The following RNF207 variants were observed in gnomAD, a reference collection of about 807,000 sequenced individuals.
RNF207 encodes OTTHUMG00000001089.
A neutral mutation model predicts 79.0 loss-of-function variants in RNF207; 72 were observed. The observed-to-expected ratio is 0.91, with a 90% CI of 0.75 to 1.11. The LOEUF (loss-of-function observed/expected upper bound fraction) is 1.11, where lower values mean the gene tolerates loss of function less well. RNF207 is among the 50% of genes least tolerant of loss of function. The probability of loss-of-function intolerance (pLI) is 0.00; values close to 1 mark genes in which losing one functional copy is unlikely to be tolerated. For missense variants in RNF207, 936 were observed against 855.8 expected, an observed-to-expected ratio of 1.09 and a Z score of -1.17; for synonymous variants, 348 against 366.2, an observed-to-expected ratio of 0.95 and a Z score of 0.57.
In RNF207 at chr1:6,212,977, G is replaced by A. The variant is rs1319486522; in HGVS notation, c.1535-89G>A. 6.3e-5 allele frequency: 57 copies of A among 905,728 alleles called. 1 individual carries two copies. The South Asian group carries it at 7.2e-4, about 11-fold the overall frequency. The allele number at this position is 905,728 out of a possible 1,614,324, so 56.1% of individuals were successfully genotyped here. The stretch of plus-strand genomic sequence containing the variant: ...ATTAGAGGTCATCATGGAAATGGTC[G>A]GGATATTTACGTGGTGCCTGGCTTG... On this transcript the variant is annotated intron_variant, in intron 15 of 17. Transcript: ENST00000377939.
intron 2 of RNF207, 135 bp downstream of exon 2, chr1:6,206,861 C>T (rs2100919373): frequency 1.4e-6 from 1 of 689,732 alleles, no homozygotes; most frequent in South Asian, 1.9e-5. Context: ...AGATACTGCA[C>T]CCGGTCCTTA....
Position 6,218,404 on chromosome 1 carries a change from C to T in RNF207, c.1733+35C>T, listed in dbSNP as rs369821943. ...GTCTCTCCACTGGAGAGTGTGCACGCGATGTGGCTTCTGAGGCCAACAGGA... is the reference window on the plus strand; with the variant it reads ...GTCTCTCCACTGGAGAGTGTGCACGTGATGTGGCTTCTGAGGCCAACAGGA... On this transcript the variant is annotated intron_variant, in intron 17 of 17. Transcript: ENST00000377939. The T allele has an allele frequency of 3.6e-5, 54 of 1,491,164 alleles. 1 individual carries two copies. The African/African-American group carries it at 5.2e-4, about 14-fold the overall frequency. 92.4% of individuals were successfully genotyped at this position (1,491,164 alleles called of 1,614,324 possible).
At chr1:6,214,459 G>A (rs1258976393) in intron 16 of RNF207, among the ~76,000 whole-genome samples, 1 of 151,300 alleles carries the variant, frequency 6.6e-6, no homozygotes, top group Non-Finnish European at 1.5e-5. Flanking sequence ...CTGGAGTGCA[G>A]TGGCGCGATC....
intron 16 of RNF207, among the ~76,000 whole-genome samples, chr1:6,216,108 T>A (rs1333015193): frequency 6.6e-6 from 1 of 152,154 alleles, no homozygotes; most frequent in East Asian, 1.9e-4. Context: ...TTCAGTACAT[T>A]TCTTGTCTGT....
chr1:6,209,050 G>C lies in RNF207; in HGVS notation c.469+25G>C, dbSNP rs781350475. 3 of 1,208,452 alleles carry C rather than the reference G, an allele frequency of 2.5e-6. No homozygotes were observed. The Admixed American group carries it at 6.5e-5, about 26-fold the overall frequency. 74.9% of individuals were successfully genotyped at this position (1,208,452 alleles called of 1,614,324 possible). On this transcript the variant is annotated intron_variant, in intron 4 of 17. Transcript: ENST00000377939. The stretch of plus-strand genomic sequence containing the variant: ...AGTGAGTGAGGCTTGCGGGGCCGGG[G>C]ACTTGGGGGTGGGGGCGGGGCGGGC...
chr1:6,210,755 G>C, intron 10 of RNF207, 115 bp from the exon 11 acceptor site: 4 of 937,172 alleles, frequency 4.3e-6, no homozygotes, highest in East Asian at 5.2e-5. Context: ...GGCTGGCGCT[G>C]CTAAGGGACA....
At position 6,209,152 on chromosome 1, in the gene RNF207, C is replaced by A. The variant is rs1033258417; in HGVS notation, c.507C>A (p.Asp169Glu). Residue 169 changes from aspartate (D) to glutamate (E), a missense_variant, in exon 5 of 18, where the codon GAC becomes GAA. Physicochemically the swap from Asp to Glu is conservative, Grantham distance 45. Coordinates refer to ENST00000377939, the MANE Select transcript of RNF207 (RefSeq NM_207396.3). ...AGCCCTACCTCTTGTTCTCCACCGA[C>A]AAGAAGTTGCTGTTGTGCATCCGCT... is the stretch of plus-strand genomic sequence containing the variant. ...HAEPYLLFST[D>E]KKLLLCIRCF... 9.0e-6 allele frequency: 14 copies of A among 1,558,024 alleles called. No individual in the cohort carries two copies. The highest frequency in any genetic ancestry group is 1.1e-5 in the Non-Finnish European group (13 of 1,150,420).
intron 3 of RNF207, chr1:6,208,433 C>G (rs980857679): frequency 6.2e-6 from 1 of 161,686 alleles, no homozygotes; most frequent in African/African-American, 2.4e-5. Flanking sequence ...ATTCTTCTGC[C>G]TCGGCCTCCC....
chr1:6,210,885 C>T lies in RNF207; in HGVS notation c.958C>T (p.Leu320=), dbSNP rs374738163. Residue 320 remains leucine, a synonymous_variant, in exon 11 of 18, where the codon CTG becomes TTG. Coordinates refer to ENST00000377939, the MANE Select transcript of RNF207 (RefSeq NM_207396.3). ...ACTGCCACAGGAGCTGATGGAGAGGCTGCAGGGCATCGTCACGCGGCCGCA... is the reference window on the plus strand; with the variant it reads ...ACTGCCACAGGAGCTGATGGAGAGGTTGCAGGGCATCGTCACGCGGCCGCA... ...LDLGYELMER[L]QGIVTRPHHL... 7.8e-5 allele frequency: 125 copies of T among 1,602,578 alleles called. No individual in the cohort carries two copies. Among genetic ancestry groups the T allele is most frequent in the Middle Eastern group, 1.7e-4 (1 of 5,972 alleles).
At chr1:6,218,785 G>A (rs905711447) in intron 17 of RNF207, among the ~76,000 whole-genome samples, 3 of 152,168 alleles carry the variant, frequency 2.0e-5, no homozygotes, top group South Asian at 2.1e-4. Flanking sequence ...ACAGTCACAG[G>A]CTGATCTTTG....
chr1:6,217,811 TG>T lies in RNF207; in HGVS notation c.1653-474del, dbSNP rs1260808503. On this transcript the variant is annotated intron_variant, in intron 16 of 17. Transcript: ENST00000377939. The surrounding 1 kb of genome is among the most constrained non-coding windows in gnomAD (Gnocchi z 4.2). ...TCACCGCGGGGCTGGACAGCTCTCT[TG>T]GGGACCTTCCCTGTGCACCTGTGAC... Among the ~76,000 whole-genome samples, 2 of 152,332 alleles carry T rather than the reference TG, an allele frequency of 1.3e-5. No individual in the cohort carries two copies. Among genetic ancestry groups the T allele is most frequent in the East Asian group, 3.9e-4 (2 of 5,186 alleles).
Position 6,209,534 on chromosome 1 carries a change from A to T in RNF207, c.748A>T (p.Met250Leu). The T allele has an allele frequency of 6.8e-7, 1 of 1,462,752 alleles. No homozygotes were observed. Among genetic ancestry groups the T allele is most frequent in the Non-Finnish European group, 9.0e-7 (1 of 1,115,440 alleles). 90.6% of individuals were successfully genotyped at this position (1,462,752 alleles called of 1,614,324 possible). ...CGCTATCCACGCCCTCTTCGGCAGC[A>T]TGCAGGTGAGGGGTGGGGGTTGGGG... is the stretch of plus-strand genomic sequence containing the variant. ...EDAIHALFGS[M>L]QDRLAERKAL... is the part of the protein sequence containing the mutation. The change falls in exon 7 of 18, where the codon ATG becomes TTG. Residue 250 changes from methionine (M) to leucine (L), a missense_variant. Coordinates refer to ENST00000377939, the MANE Select transcript of RNF207 (RefSeq NM_207396.3).
At position 6,212,239 on chromosome 1, in the gene RNF207, G is replaced by A; in HGVS notation, c.1305G>A (p.Gln435=). ...RHYEDSYRHL[Q]AEMQSLKDQV... Reference sequence around the variant, plus strand: ...ACAGCCTCTCTGTGCAGCACCTGCAGGCAGAGATGCAGAGCCTAAAGGACC... The same window carrying A: ...ACAGCCTCTCTGTGCAGCACCTGCAAGCAGAGATGCAGAGCCTAAAGGACC... Residue 435 remains glutamine (Q), a synonymous_variant, in exon 14 of 18, where the codon CAG becomes CAA. Transcript: ENST00000377939. The A allele has an allele frequency of 6.2e-7, 1 of 1,612,350 alleles. No individual in the cohort carries two copies. Among genetic ancestry groups the A allele is most frequent in the Non-Finnish European group, 8.5e-7 (1 of 1,179,196 alleles).
chr1:6,210,046 C>T (rs1335403246), intron 8 of RNF207, 76 bp downstream of exon 8: 2 of 1,448,396 alleles, frequency 1.4e-6, no homozygotes, highest in Non-Finnish European at 1.9e-6. Flanking sequence ...TGGGCAGGCC[C>T]TGCCCCACCC....
intron 7 of RNF207, 38 bp from the exon 8 acceptor site, chr1:6,209,886 G>A (rs1668085480): frequency 7.1e-6 from 11 of 1,559,062 alleles, no homozygotes; most frequent in Non-Finnish European, 9.5e-6. Flanking sequence ...TGGCAGGGCT[G>A]GGGCGCAAAT....
chr1:6,209,494 CG>C lies in RNF207; in HGVS notation c.709del (p.Ala237ProfsTer80). On this transcript the variant is annotated frameshift_variant, in exon 7 of 18. Transcript: ENST00000377939. LOFTEE classifies it high-confidence loss of function. ...AMVEEVRHSA[A>X]EEEDAIHALF... Reference sequence around the variant, plus strand: ...TGGTGGAGGAGGTGCGGCACAGCGCCGCCGAGGAGGAGGACGCTATCCACGC... The same window carrying C: ...TGGTGGAGGAGGTGCGGCACAGCGCCCCGAGGAGGAGGACGCTATCCACGC... The C allele has an allele frequency of 6.8e-7, 1 of 1,476,672 alleles. No homozygotes were observed. The highest frequency in any genetic ancestry group is 1.4e-5 in the South Asian group (1 of 71,928). The allele number at this position is 1,476,672 out of a possible 1,614,324, so 91.5% of individuals were successfully genotyped here.
Position 6,207,928 on chromosome 1 carries a change from A to G in RNF207, c.324+417A>G, listed in dbSNP as rs1327695682. The G allele has an allele frequency of 2.8e-6, 1 of 354,440 alleles. No individual in the cohort carries two copies. The highest frequency in any genetic ancestry group is 2.1e-5 in the African/African-American group (1 of 47,136). The allele number at this position is 354,440 out of a possible 1,614,324, so 22.0% of individuals were successfully genotyped here. A position where few individuals can be genotyped will look rare whatever the true frequency, so the allele number is the denominator to read the frequency against. ...CTGTTCCCTCTGGGCTGTAAAAGGC[A>G]CAGGGGACTCTGGCCTGCGGAGGCC... On this transcript the variant is annotated intron_variant, in intron 3 of 17. Coordinates refer to ENST00000377939, the MANE Select transcript of RNF207 (RefSeq NM_207396.3). This position sits in a 1 kb window ranked among gnomAD's most constrained non-coding sequence, Gnocchi z 4.5.
At chr1:6,210,143 G>A in intron 8 of RNF207, 80 bp from the exon 9 acceptor site, 2 of 1,391,294 alleles carry the variant, frequency 1.4e-6, no homozygotes. Context: ...ACGGACATGC[G>A]AAGCTGGAGG....
Position 6,207,591 on chromosome 1 carries a change from A to T in RNF207, c.324+80A>T, listed in dbSNP as rs1192503519. 1 of 1,469,260 alleles carries T rather than the reference A, an allele frequency of 6.8e-7. No homozygotes were observed. Among genetic ancestry groups the T allele is most frequent in the Non-Finnish European group, 9.2e-7 (1 of 1,081,940 alleles). 91.0% of individuals were successfully genotyped at this position (1,469,260 alleles called of 1,614,324 possible). A position where few individuals can be genotyped will look rare whatever the true frequency, so the allele number is the denominator to read the frequency against. On this transcript the variant is annotated intron_variant, in intron 3 of 17. Coordinates refer to ENST00000377939, the MANE Select transcript of RNF207 (RefSeq NM_207396.3). This position sits in a 1 kb window ranked among gnomAD's most constrained non-coding sequence, Gnocchi z 4.5. ...CCCAATGCTTGCACATGCACTCAGC[A>T]TGTCTTCAGAGGACGACCTGGCAGT...
Sources: gnomAD v4.1 joint callset for allele counts (sites outside exome capture counted in the v4.1 genomes callset) on GRCh38, gnomAD v4.1.1 for gene constraint, Gnocchi (gnomAD v3.1) non-coding constraint, MANE v1.5 for transcripts, NCBI Gene and HGNC (gene_info 2026-07-23, HGNC 2026-07-21) for gene names.